Variants in PTPRQ observed in about 807,000 individuals in gnomAD.
PTPRQ encodes the protein protein tyrosine phosphatase receptor type Q.
In PTPRQ, 199 loss-of-function variants were observed where a neutral mutation model predicts 246.0. That is an observed-to-expected ratio of 0.81 (90% confidence interval 0.72 to 0.91). PTPRQ has a LOEUF of 0.91. Among genes scored for constraint, PTPRQ ranks in the 40% least tolerant of loss-of-function variants. The pLI is 0.00. For missense variants in PTPRQ, 2,624 were observed against 2,528.4 expected (o/e 1.04, Z -0.81); for synonymous variants, 869 against 853.2 (o/e 1.02, Z -0.32).
At chr12:80,625,461 T>C (rs1899163261) in intron 33 of PTPRQ, among the ~76,000 whole-genome samples, 1 of 152,152 alleles carries the variant, frequency 6.6e-6, no homozygotes, top group Admixed American at 6.5e-5. Context: ...TGTTGAAACT[T>C]TGGGATTTAA....
intron 44 of PTPRQ, 49 bp downstream of exon 44, chr12:80,678,774 G>T (rs763247443): frequency 6.7e-7 from 1 of 1,488,910 alleles, no homozygotes; most frequent in Non-Finnish European, 8.9e-7. Context: ...TACCACCTAC[G>T]GTAAGAACAT....
At chr12:80,636,392 A>G (rs928367608) in intron 35 of PTPRQ, among the ~76,000 whole-genome samples, 3 of 152,260 alleles carry the variant, frequency 2.0e-5, no homozygotes, top group African/African-American at 7.2e-5. Flanking sequence ...AAGCACTGCT[A>G]CTACTAGACT....
At position 80,496,547 on chromosome 12, in the gene PTPRQ, CTTTG is replaced by C. The variant is rs1278191093; in HGVS notation, c.2272+24_2272+27del. 1.8e-6 allele frequency: 2 copies of C among 1,104,556 alleles called. No individual in the cohort carries two copies. The highest frequency in any genetic ancestry group is 2.7e-5 in the East Asian group (1 of 36,420). 68.4% of individuals were successfully genotyped at this position (1,104,556 alleles called of 1,614,324 possible). On this transcript the variant is annotated intron_variant, in intron 14 of 44. Coordinates refer to ENST00000644991, the MANE Select transcript of PTPRQ (RefSeq NM_001145026.2). The stretch of plus-strand genomic sequence containing the variant: ...TCGGAGACTGGTGAGCTTTTGTTTT[CTTTG>C]TTTGTTTAATAATACACAGTGATAT...
At chr12:80,529,261 T>C (rs1283361746) in intron 17 of PTPRQ, among the ~76,000 whole-genome samples, 1 of 152,202 alleles carries the variant, frequency 6.6e-6, no homozygotes, top group Non-Finnish European at 1.5e-5. Flanking sequence ...TAAGTGAGTG[T>C]TCACATTCTT....
chr12:80,491,403 C>G (rs183260301), intron 9 of PTPRQ, among the ~76,000 whole-genome samples: 12 of 152,058 alleles, frequency 7.9e-5, no homozygotes, highest in African/African-American at 2.9e-4. Flanking sequence ...TTCCTGCCCT[C>G]CCTAATTTCC....
At chr12:80,524,893 T>A (rs2120771233) in intron 17 of PTPRQ, among the ~76,000 whole-genome samples, 1 of 152,326 alleles carries the variant, frequency 6.6e-6, no homozygotes, top group East Asian at 1.9e-4. Context: ...GGGATATGTG[T>A]TATAATTGGC....
intron 33 of PTPRQ, among the ~76,000 whole-genome samples, chr12:80,629,680 T>G (rs898708556): frequency 2.6e-5 from 4 of 152,094 alleles, no homozygotes; most frequent in Admixed American, 1.3e-4. Flanking sequence ...TGAGGAGGAT[T>G]TTAAGCAGAG....
chr12:80,525,032 CA>C (rs1321691489), intron 17 of PTPRQ, among the ~76,000 whole-genome samples: 1 of 152,022 alleles, frequency 6.6e-6, no homozygotes, highest in Non-Finnish European at 1.5e-5. Context: ...ATATTTCTAC[CA>C]AAAAATTATT....
intron 9 of PTPRQ, among the ~76,000 whole-genome samples, chr12:80,489,943 A>G (rs1275622003): frequency 6.6e-6 from 1 of 151,960 alleles, no homozygotes; most frequent in Non-Finnish European, 1.5e-5. Context: ...TTTTCATCCA[A>G]CATATTCCTT....
chr12:80,603,995 T>C (rs1898227226), intron 26 of PTPRQ, among the ~76,000 whole-genome samples: 1 of 151,632 alleles, frequency 6.6e-6, no homozygotes, highest in Non-Finnish European at 1.5e-5. Flanking sequence ...TATAAAATAT[T>C]CATATGATGG....
In PTPRQ at chr12:80,514,402, A is replaced by ACACACACACACACACACACACTCTCTCT. The variant is rs552667526; in HGVS notation, c.2678+3960_2678+3961insACACACACACACACACACACTCTCTCTC. 3.3e-4 allele frequency among the ~76,000 whole-genome samples: 37 copies of ACACACACACACACACACACACTCTCTCT among 113,018 alleles called. 1 individual carries two copies. Among genetic ancestry groups the ACACACACACACACACACACACTCTCTCT allele is most frequent in the African/African-American group, 9.7e-4 (30 of 30,978 alleles). 74.1% of individuals were successfully genotyped at this position (113,018 alleles called of 152,430 possible). A position where few individuals can be genotyped will look rare whatever the true frequency, so the allele number is the denominator to read the frequency against. ...CACACACACACACACACACACACAC[A>ACACACACACACACACACACACTCTCTCT]CTCTCTCTCTCTCTCTCTGCTTTAA... On this transcript the variant is annotated intron_variant, in intron 17 of 44. Coordinates refer to ENST00000644991, the MANE Select transcript of PTPRQ (RefSeq NM_001145026.2).
chr12:80,617,827 A>G (rs531121588), intron 30 of PTPRQ, among the ~76,000 whole-genome samples: 1 of 151,552 alleles, frequency 6.6e-6, no homozygotes, highest in East Asian at 1.9e-4. Flanking sequence ...AGATATTATG[A>G]AGTTGGATAG....
intron 25 of PTPRQ, among the ~76,000 whole-genome samples, chr12:80,558,276 T>C (rs1312503800): frequency 1.3e-5 from 2 of 151,890 alleles, no homozygotes; most frequent in Non-Finnish European, 2.9e-5. Flanking sequence ...CAAGTCATTC[T>C]TCTGCCTCAG....
chr12:80,610,704 A>G, intron 28 of PTPRQ, 79 bp downstream of exon 28: 1 of 1,483,380 alleles, frequency 6.7e-7, no homozygotes, highest in Non-Finnish European at 9.0e-7. Flanking sequence ...ACTCCACCAA[A>G]AAAGGATATG....
chr12:80,633,881 T>C (rs1899538403), intron 34 of PTPRQ, among the ~76,000 whole-genome samples: 1 of 152,208 alleles, frequency 6.6e-6, no homozygotes, highest in African/African-American at 2.4e-5. Flanking sequence ...ACTCCTTGTG[T>C]GAGTAGGAAA....
chr12:80,467,572 G>T (rs1375926376), intron 6 of PTPRQ, among the ~76,000 whole-genome samples: 3 of 152,148 alleles, frequency 2.0e-5, no homozygotes, highest in African/African-American at 7.2e-5. Flanking sequence ...GTTTATTGCG[G>T]CATTATTCAC....
intron 3 of PTPRQ, among the ~76,000 whole-genome samples, chr12:80,453,266 T>C (rs1334014252): frequency 1.3e-5 from 2 of 152,176 alleles, no homozygotes; most frequent in African/African-American, 4.8e-5. Context: ...TATACATTCG[T>C]CTACATTTTT....
chr12:80,659,676 A>G (rs563884286), intron 39 of PTPRQ, among the ~76,000 whole-genome samples: 1 of 152,126 alleles, frequency 6.6e-6, no homozygotes, highest in African/African-American at 2.4e-5. Flanking sequence ...GGTTGTCAGC[A>G]TACAACTATG....
intron 26 of PTPRQ, among the ~76,000 whole-genome samples, chr12:80,594,830 TA>T (rs1897916655): frequency 6.6e-6 from 1 of 152,160 alleles, no homozygotes; most frequent in African/African-American, 2.4e-5. Flanking sequence ...ATCTCTTAGA[TA>T]ATTACAAAAG....
Sources: allele counts gnomAD v4.1 joint callset (sites outside exome capture counted in the v4.1 genomes callset), GRCh38; gene constraint gnomAD v4.1.1; transcripts MANE v1.5; gene names NCBI Gene and HGNC (gene_info 2026-07-23, HGNC 2026-07-21).